Variants in DLG2 observed in about 807,000 individuals in gnomAD.
DLG2 encodes discs large MAGUK scaffold protein 2, also known as disks large homolog 2.
A neutral mutation model predicts 132.5 loss-of-function variants in DLG2; 45 were observed. The ratio of observed to expected loss-of-function variants is 0.34; its 90% CI spans 0.27 to 0.44. The LOEUF (loss-of-function observed/expected upper bound fraction) is 0.44. Among genes scored for constraint, DLG2 ranks in the 20% least tolerant of loss-of-function variants. The probability of loss-of-function intolerance (pLI) is 1.00; values close to 1 mark genes in which losing one functional copy is unlikely to be tolerated. For synonymous variants in DLG2, 424 were observed against 419.6 expected, an observed-to-expected ratio of 1.01 and a Z score of -0.13; for missense variants, 1,045 against 1,196.9, an observed-to-expected ratio of 0.87 and a Z score of 1.87.
intron 3 of DLG2, among the ~76,000 whole-genome samples, chr11:85,467,312 G>A (rs1400602285): frequency 2.6e-5 from 4 of 152,100 alleles, no homozygotes; most frequent in Non-Finnish European, 5.9e-5. Context: ...TCCTTCTCCT[G>A]CCTGATTGCC....
At chr11:84,857,823 G>GTT (rs2082994363) in intron 6 of DLG2, among the ~76,000 whole-genome samples, 1 of 151,438 alleles carries the variant, frequency 6.6e-6, no homozygotes, top group African/African-American at 2.4e-5. Context: ...TTGACATCTT[G>GTT]TTATTTCAAT....
At chr11:83,878,699 T>C (rs923086380) in intron 15 of DLG2, among the ~76,000 whole-genome samples, 2 of 152,142 alleles carry the variant, frequency 1.3e-5, no homozygotes, top group Admixed American at 6.6e-5. Context: ...GTCATGAACA[T>C]TCATGAAGAT....
intron 4 of DLG2, among the ~76,000 whole-genome samples, chr11:85,160,268 G>C (rs541962935): frequency 6.6e-6 from 1 of 152,282 alleles, no homozygotes; most frequent in African/African-American, 2.4e-5. Context: ...AACAGGTCCA[G>C]GCTGCTGTAC....
At chr11:84,451,636 A>G (rs2099051873) in intron 7 of DLG2, among the ~76,000 whole-genome samples, 1 of 151,824 alleles carries the variant, frequency 6.6e-6, no homozygotes, top group African/African-American at 2.4e-5. Flanking sequence ...TTTGAATGTT[A>G]CGATGCACCA....
At chr11:85,610,712 C>A (rs2080934402) in intron 2 of DLG2, among the ~76,000 whole-genome samples, 1 of 152,218 alleles carries the variant, frequency 6.6e-6, no homozygotes, top group Admixed American at 6.5e-5. Flanking sequence ...ATCAAGGGTA[C>A]AAGGCATCTA....
intron 7 of DLG2, among the ~76,000 whole-genome samples, chr11:84,531,135 A>G (rs2099338324): frequency 6.6e-6 from 1 of 152,222 alleles, no homozygotes; most frequent in South Asian, 2.1e-4. Context: ...AAGAAAAAAA[A>G]GAAAGTAAAG....
In DLG2 at chr11:85,027,374, A is replaced by C. The variant is rs551336197; in HGVS notation, c.357+84287T>G. On this transcript the variant is annotated intron_variant, in intron 6 of 27. Transcript: ENST00000376104. ...TTTACTCTATCCAGAAGCAGGGGCT[A>C]TAATTGTCACGGGACCCTTGGGATG... 2.0e-5 allele frequency among the ~76,000 whole-genome samples: 3 copies of C among 152,232 alleles called. No individual in the cohort carries two copies. The South Asian group carries it at 6.2e-4, about 32-fold the overall frequency.
intron 14 of DLG2, among the ~76,000 whole-genome samples, chr11:83,942,687 G>A (rs1355881367): frequency 6.6e-6 from 1 of 151,582 alleles, no homozygotes; most frequent in East Asian, 1.9e-4. Flanking sequence ...CTGAATGGCG[G>A]GATTATGGGT....
chr11:85,541,781 C>A (rs933969588), intron 3 of DLG2, among the ~76,000 whole-genome samples: 1 of 152,132 alleles, frequency 6.6e-6, no homozygotes, highest in African/African-American at 2.4e-5. Context: ...CCTTTTTACT[C>A]CTCTGCCTCC....
chr11:83,481,340 T>TTAAGTTATAGATGATAA (rs2093086343), intron 22 of DLG2, among the ~76,000 whole-genome samples: 2 of 152,118 alleles, frequency 1.3e-5, no homozygotes, highest in Non-Finnish European at 2.9e-5. Context: ...GATGATACAC[T>TTAAGTTATAGATGATAA]CATCAGTCTA....
At chr11:84,458,737 T>G (rs1332108552) in intron 7 of DLG2, among the ~76,000 whole-genome samples, 1 of 150,786 alleles carries the variant, frequency 6.6e-6, no homozygotes, top group Non-Finnish European at 1.5e-5. Flanking sequence ...CATTTACGAT[T>G]AGAATGTCCT....
chr11:84,208,200 T>C (rs570024496), intron 8 of DLG2, among the ~76,000 whole-genome samples: 1 of 152,288 alleles, frequency 6.6e-6, no homozygotes, highest in African/African-American at 2.4e-5. Flanking sequence ...GTTCCATTGA[T>C]TTATGTCTTT....
intron 21 of DLG2, among the ~76,000 whole-genome samples, chr11:83,510,830 G>GTT (rs566973328): frequency 0.39 from 34,581 of 88,244 alleles, 5,895 homozygotes; most frequent in Non-Finnish European, 0.46. Context: ...TGAACCATCC[G>GTT]TTTTTTTTTT....
intron 6 of DLG2, among the ~76,000 whole-genome samples, chr11:84,563,436 T>C (rs1354196433): frequency 6.6e-6 from 1 of 152,220 alleles, no homozygotes; most frequent in Non-Finnish European, 1.5e-5. Flanking sequence ...AAGTAATGAC[T>C]GAGTGACCTT....
chr11:84,751,420 T>C (rs892348597), intron 6 of DLG2, among the ~76,000 whole-genome samples: 44 of 152,178 alleles, frequency 2.9e-4, no homozygotes, highest in Non-Finnish European at 2.6e-4. Context: ...TTGTAAAAAC[T>C]GTAGGCATTA....
At chr11:84,755,714 C>T (rs1311607577) in intron 6 of DLG2, among the ~76,000 whole-genome samples, 2 of 152,190 alleles carry the variant, frequency 1.3e-5, no homozygotes, top group African/African-American at 4.8e-5. Flanking sequence ...TGAGCTACCG[C>T]GCCTGGCCCA....
rs182182919 is a variant in DLG2, at chr11:85,472,030, G to C, written c.40+126627C>G. On this transcript the variant is annotated intron_variant, in intron 3 of 27. Transcript: ENST00000376104. The stretch of plus-strand genomic sequence containing the variant: ...ACAAATTCCTAGGCAGACAAGGGTG[G>C]GTCCCTGGTGAAACCCGACCTTCAA... 9.9e-5 allele frequency among the ~76,000 whole-genome samples: 15 copies of C among 152,206 alleles called. No individual in the cohort carries two copies. The East Asian group carries it at 2.9e-3, about 29-fold the overall frequency.
chr11:84,996,974 G>A (rs1228567554), intron 6 of DLG2, among the ~76,000 whole-genome samples: 1 of 152,174 alleles, frequency 6.6e-6, no homozygotes, highest in East Asian at 1.9e-4. Context: ...GTTAAGAAAT[G>A]CCTTGAATTG....
intron 6 of DLG2, among the ~76,000 whole-genome samples, chr11:84,943,066 A>G (rs766627840): frequency 6.6e-6 from 1 of 151,782 alleles, no homozygotes; most frequent in Non-Finnish European, 1.5e-5. Context: ...TTCCATTTAC[A>G]TTAAATATCT....
Sources: gnomAD v4.1 joint callset for allele counts (sites outside exome capture counted in the v4.1 genomes callset) on GRCh38, gnomAD v4.1.1 for gene constraint, MANE v1.5 for transcripts, NCBI Gene and HGNC (gene_info 2026-07-23, HGNC 2026-07-21) for gene names.